The following CASP2 variants were observed in gnomAD, a reference collection of about 807,000 sequenced individuals.
The protein encoded by CASP2 is caspase-2.
In CASP2, 38 loss-of-function variants were observed where a neutral mutation model predicts 54.4. The ratio of observed to expected loss-of-function variants is 0.70; its 90% confidence interval spans 0.54 to 0.92. The LOEUF (loss-of-function observed/expected upper bound fraction) is 0.92. CASP2 is among the 40% of genes least tolerant of loss of function. CASP2 has a pLI of 0.00. For synonymous variants in CASP2, 215 were observed against 216.3 expected (o/e 0.99, Z 0.05); for missense variants, 512 against 579.6 (o/e 0.88, Z 1.20).
intron 6 of CASP2, 128 bp from the exon 7 acceptor site, chr7:143,299,795 A>G: frequency 9.7e-7 from 1 of 1,026,520 alleles, no homozygotes; most frequent in East Asian, 2.4e-5. Context: ...TTCTTTTATC[A>G]TTGACCACAG....
intron 8 of CASP2, chr7:143,301,421 C>T (rs1469020154): frequency 1.3e-5 from 2 of 151,886 alleles, no homozygotes; most frequent in Admixed American, 6.6e-5. Context: ...TGTGGCCTCT[C>T]TAAGGAGCAG....
At chr7:143,301,777 CTG>C (rs1801923415) in intron 8 of CASP2, 1 of 152,170 alleles carries the variant, frequency 6.6e-6, no homozygotes, top group Admixed American at 6.5e-5. Context: ...AAAATAGCAT[CTG>C]TGTGAGTATG....
At chr7:143,293,114 G>GTT (rs11287848) in intron 4 of CASP2, 1,985 of 559,910 alleles carry the variant, frequency 3.5e-3, no homozygotes, top group South Asian at 6.9e-3. Context: ...CCTTTTTTTT[G>GTT]TTTTTTTTTT....
chr7:143,295,938 C>G (rs1180920086), intron 6 of CASP2, among the ~76,000 whole-genome samples: 1 of 152,190 alleles, frequency 6.6e-6, no homozygotes, highest in Non-Finnish European at 1.5e-5. Flanking sequence ...GGGCAGGGTA[C>G]CAGCCATAAT....
chr7:143,288,973 T>C (rs945174663), intron 1 of CASP2, among the ~76,000 whole-genome samples: 2 of 152,274 alleles, frequency 1.3e-5, no homozygotes, highest in African/African-American at 4.8e-5. Context: ...GATTGTATCA[T>C]GATCTGCATG....
intron 4 of CASP2, among the ~76,000 whole-genome samples, chr7:143,293,686 T>G (rs1801656985): frequency 6.6e-6 from 1 of 151,704 alleles, no homozygotes. Context: ...ATTTTTTGTG[T>G]TTTTAGTAAG....
chr7:143,292,926 G>T (rs879390767), intron 4 of CASP2, among the ~76,000 whole-genome samples: 1 of 152,100 alleles, frequency 6.6e-6, no homozygotes, highest in Non-Finnish European at 1.5e-5. Flanking sequence ...CAGGAGAATT[G>T]CTAGAACCCA....
At chr7:143,293,065 C>T (rs1408026990) in intron 4 of CASP2, 3 of 616,580 alleles carry the variant, frequency 4.9e-6, no homozygotes, top group Admixed American at 2.9e-5. Context: ...ATTGACTTCC[C>T]CTTTCTTGTC....
At position 143,291,646 on chromosome 7, in the gene CASP2, C is replaced by T. The variant is rs368191317; in HGVS notation, c.181C>T (p.Leu61=). Residue 61 remains leucine (L), a synonymous_variant, in exon 2 of 11, where the codon CTG becomes TTG. Coordinates refer to ENST00000310447, the MANE Select transcript of CASP2 (RefSeq NM_032982.4). ...GTTGAGCGAATTGTTAGAACATCTTCTGGAGAAGGACATCATCACCTTGGA... is the reference window on the plus strand; with the variant it reads ...GTTGAGCGAATTGTTAGAACATCTTTTGGAGAAGGACATCATCACCTTGGA... ...LLLSELLEHL[L]EKDIITLEMR... is the part of the protein sequence containing the mutation. 1.2e-6 allele frequency: 2 copies of T among 1,614,070 alleles called. No homozygotes were observed. Among genetic ancestry groups the T allele is most frequent in the Non-Finnish European group, 1.7e-6 (2 of 1,179,990 alleles).
chr7:143,294,548 A>G (rs1241503620), intron 5 of CASP2, 49 bp from the exon 6 acceptor site: 3 of 1,521,498 alleles, frequency 2.0e-6, no homozygotes, highest in Non-Finnish European at 2.7e-6. Flanking sequence ...TAGCCGAGGA[A>G]TCATCTGTTA....
intron 8 of CASP2, 134 bp downstream of exon 8, chr7:143,300,428 C>T (rs1182336321): frequency 1.9e-6 from 3 of 1,597,768 alleles, no homozygotes; most frequent in Non-Finnish European, 2.5e-6. Flanking sequence ...GCTGCCACCG[C>T]CTCTCTTGCT....
intron 8 of CASP2, chr7:143,300,690 C>T: frequency 8.3e-7 from 1 of 1,211,334 alleles, no homozygotes; most frequent in Non-Finnish European, 1.0e-6. Context: ...TCCTTTCTTT[C>T]ACTCTTTGTT....
At chr7:143,302,127 G>T (rs1801933338) in intron 8 of CASP2, 1 of 152,192 alleles carries the variant, frequency 6.6e-6, no homozygotes, top group Non-Finnish European at 1.5e-5. Context: ...TGAGGATATT[G>T]TGACAAAAGA....
intron 8 of CASP2, chr7:143,302,830 G>T (rs976088780): frequency 3.3e-5 from 5 of 152,168 alleles, no homozygotes; most frequent in African/African-American, 1.2e-4. Flanking sequence ...TCTGTCTTGG[G>T]ATACATAAGG....
rs1057314912 is a variant in CASP2, at chr7:143,307,396, T to C, written c.*2325T>C. ...TTTTGACAATATACACGGATTATTA[T>C]TTGTACTTTGTTTTTCCATGTGTTT... On this transcript the variant is annotated 3_prime_UTR_variant, in exon 11 of 11. Transcript: ENST00000310447. The C allele has an allele frequency of 2.0e-5, 3 of 152,226 alleles. No homozygotes were observed. The highest frequency in any genetic ancestry group is 7.2e-5 in the African/African-American group (3 of 41,468). The allele number at this position is 152,226 out of a possible 1,614,324, so 9.4% of individuals were successfully genotyped here.
In CASP2 at chr7:143,294,775, T is replaced by C; in HGVS notation, c.747+2T>C. 6.2e-7 allele frequency: 1 copy of C among 1,613,562 alleles called. No individual in the cohort carries two copies. The highest frequency in any genetic ancestry group is 8.5e-7 in the Non-Finnish European group (1 of 1,179,594). On this transcript the variant is annotated splice_donor_variant, in intron 6 of 10. Transcript: ENST00000310447. LOFTEE classifies it high-confidence loss of function. ...GTTCTATGTGACCAGACTGCACAGG[T>C]ACCTGAGGTGGGAAAAATTGACATG...
rs1238938472 is a variant in CASP2, at chr7:143,305,173, C to G, written c.*102C>G. Reference sequence around the variant, plus strand: ...ATGCACGGTTTCTGTTCTGCCCCCTCAGGGATGTGGGAATCTCCCAGACTT... The same window carrying G: ...ATGCACGGTTTCTGTTCTGCCCCCTGAGGGATGTGGGAATCTCCCAGACTT... On this transcript the variant is annotated 3_prime_UTR_variant, in exon 11 of 11. Transcript: ENST00000310447. The G allele has an allele frequency of 5.1e-5, 75 of 1,458,994 alleles. No homozygotes were observed. The highest frequency in any genetic ancestry group is 8.6e-5 in the Admixed American group (5 of 58,052). The allele number at this position is 1,458,994 out of a possible 1,614,324, so 90.4% of individuals were successfully genotyped here.
intron 4 of CASP2, among the ~76,000 whole-genome samples, chr7:143,293,566 A>G (rs1801652574): frequency 6.7e-6 from 1 of 150,214 alleles, no homozygotes; most frequent in Admixed American, 6.6e-5. Flanking sequence ...CTGTAGTGCA[A>G]TGGTGCAGTC....
chr7:143,296,767 A>C (rs887473664), intron 6 of CASP2, among the ~76,000 whole-genome samples: 1 of 151,428 alleles, frequency 6.6e-6, no homozygotes, highest in African/African-American at 2.4e-5. Context: ...TTCTTTCCCT[A>C]TCAAATCTTT....
Sources: gnomAD v4.1 joint callset for allele counts (sites outside exome capture counted in the v4.1 genomes callset) on GRCh38, gnomAD v4.1.1 for gene constraint, MANE v1.5 for transcripts, NCBI Gene and HGNC (gene_info 2026-07-23, HGNC 2026-07-21) for gene names.